The following POSTN variants were observed in gnomAD, a reference collection of about 807,000 sequenced individuals.
POSTN encodes the protein periostin, also known as osteoblast specific factor 2 (fasciclin I-like).
A neutral mutation model predicts 104.5 loss-of-function variants in POSTN; 71 were observed. The observed-to-expected ratio is 0.68, with a 90% confidence interval of 0.56 to 0.83. POSTN has a LOEUF of 0.83. POSTN is among the 40% of genes least tolerant of loss of function. The pLI is 0.00. For missense variants in POSTN, 949 were observed against 1,006.8 expected (o/e 0.94, Z 0.78); for synonymous variants, 355 against 340.7 (o/e 1.04, Z -0.46).
intron 2 of POSTN, among the ~76,000 whole-genome samples, chr13:37,594,493 G>A (rs1396250693): frequency 1.4e-5 from 2 of 143,976 alleles, no homozygotes; most frequent in Non-Finnish European, 3.0e-5. Context: ...AAAACTCAAT[G>A]TTCCCATATG....
In POSTN at chr13:37,569,398, GT is replaced by G. The variant is rs2138171450; in HGVS notation, c.2348-16del. On this transcript the variant is annotated splice_polypyrimidine_tract_variant and intron_variant, in intron 20 of 22. Coordinates refer to ENST00000379747, the MANE Select transcript of POSTN (RefSeq NM_006475.3). ...CTTGGTGACCTCTGAGAGGATACAT[GT>G]TTATAGCAGAAATTGGTTTATATAA... is the stretch of plus-strand genomic sequence containing the variant. 1.3e-6 allele frequency: 2 copies of G among 1,584,144 alleles called. No individual in the cohort carries two copies. The highest frequency in any genetic ancestry group is 1.7e-6 in the Non-Finnish European group (2 of 1,154,010).
chr13:37,597,689 A>AG (rs1334611755), intron 1 of POSTN, among the ~76,000 whole-genome samples: 6 of 152,280 alleles, frequency 3.9e-5, no homozygotes, highest in African/African-American at 1.4e-4. Context: ...GAACAATGAG[A>AG]GGTCAGAGAG....
chr13:37,580,395 TAGC>T (rs1407806678), intron 11 of POSTN, among the ~76,000 whole-genome samples, 163 bp downstream of exon 11: 1 of 152,242 alleles, frequency 6.6e-6, no homozygotes, highest in African/African-American at 2.4e-5. Flanking sequence ...TACCAGAAAG[TAGC>T]AGCGAAAACA....
chr13:37,565,433 A>G (rs906065111), intron 21 of POSTN: 3 of 151,926 alleles, frequency 2.0e-5, no homozygotes, highest in African/African-American at 7.2e-5. Flanking sequence ...GACTTCTTTT[A>G]TATGTATCAT....
At chr13:37,578,237 G>C (rs1950472100) in intron 15 of POSTN, among the ~76,000 whole-genome samples, 2 of 151,854 alleles carry the variant, frequency 1.3e-5, no homozygotes, top group Admixed American at 6.6e-5. Flanking sequence ...TTCTAAATTG[G>C]ACTGTAAACT....
intron 17 of POSTN, among the ~76,000 whole-genome samples, chr13:37,574,089 T>TG (rs1950332950): frequency 6.6e-6 from 1 of 151,674 alleles, no homozygotes; most frequent in South Asian, 2.1e-4. Flanking sequence ...ATCTCATGCG[T>TG]GGTTGTAATT....
In POSTN at chr13:37,571,460, T is replaced by TG. The variant is rs1950261546; in HGVS notation, c.2090-3dup. 6.3e-7 allele frequency: 1 copy of TG among 1,586,856 alleles called. No homozygotes were observed. Among genetic ancestry groups the TG allele is most frequent in the African/African-American group, 1.3e-5 (1 of 74,214 alleles). The stretch of plus-strand genomic sequence containing the variant: ...TTTTGACTTTTGTTAGTGTGGGTCC[T>TG]GGGACATTATTTTAGGAGACAAATT... On this transcript the variant is annotated splice_polypyrimidine_tract_variant and splice_region_variant and intron_variant, in intron 17 of 22. Coordinates refer to ENST00000379747, the MANE Select transcript of POSTN (RefSeq NM_006475.3).
intron 4 of POSTN, among the ~76,000 whole-genome samples, chr13:37,588,965 A>G (rs1044310700): frequency 1.3e-5 from 2 of 152,174 alleles, no homozygotes; most frequent in African/African-American, 2.4e-5. Context: ...ACATGAGATG[A>G]GGCTAACAGC....
rs369594327 is a variant in POSTN at position 37,582,328 on chromosome 13, C to T, written c.1392+38G>A. On this transcript the variant is annotated intron_variant, in intron 10 of 22. Transcript: ENST00000379747. ...ATTGAAACAGCATTATTTGACATGTCATTTGACAGACTTTTTATTTTGTTG... is the reference window on the plus strand; with the variant it reads ...ATTGAAACAGCATTATTTGACATGTTATTTGACAGACTTTTTATTTTGTTG... 1.9e-6 allele frequency: 3 copies of T among 1,572,452 alleles called. No individual in the cohort carries two copies. The African/African-American group carries it at 4.1e-5, about 22-fold the overall frequency.
chr13:37,581,296 T>G (rs1593339962), intron 10 of POSTN, among the ~76,000 whole-genome samples: 1 of 152,236 alleles, frequency 6.6e-6, no homozygotes, highest in Admixed American at 6.5e-5. Flanking sequence ...GATTCAGTTC[T>G]AGGTAATGCC....
At chr13:37,597,717 A>G (rs1951124648) in intron 1 of POSTN, among the ~76,000 whole-genome samples, 1 of 152,172 alleles carries the variant, frequency 6.6e-6, no homozygotes, top group Non-Finnish European at 1.5e-5. Context: ...GACAAGGTTT[A>G]TTATGTACAC....
At chr13:37,598,124 A>G (rs1951137221) in intron 1 of POSTN, among the ~76,000 whole-genome samples, 1 of 152,200 alleles carries the variant, frequency 6.6e-6, no homozygotes, top group Admixed American at 6.6e-5. Context: ...AGTAACTTAA[A>G]TGCTTCAAAG....
chr13:37,587,459 C>A (rs1423723368), intron 5 of POSTN, among the ~76,000 whole-genome samples: 1 of 152,178 alleles, frequency 6.6e-6, no homozygotes, highest in Non-Finnish European at 1.5e-5. Flanking sequence ...GATCCAAACA[C>A]ACAAGTACTT....
intron 21 of POSTN, chr13:37,565,646 C>T (rs979624544): frequency 1.3e-5 from 2 of 151,906 alleles, no homozygotes; most frequent in African/African-American, 2.4e-5. Flanking sequence ...ACATTTCTTT[C>T]CCCCCAGAAT....
At chr13:37,571,567 G>A in intron 17 of POSTN, 109 bp from the exon 18 acceptor site, 1 of 751,006 alleles carries the variant, frequency 1.3e-6, no homozygotes, top group Non-Finnish European at 2.2e-6. Context: ...AAATGTCAAA[G>A]TGGTTTCAGG....
intron 12 of POSTN, 53 bp downstream of exon 12, chr13:37,579,805 AAAG>A (rs2138265119): frequency 1.9e-6 from 3 of 1,567,760 alleles, no homozygotes; most frequent in Non-Finnish European, 2.6e-6. Flanking sequence ...AAAGCTTGAG[AAAG>A]AAGTGAGATC....
rs957865993 is a variant in POSTN at position 37,571,390 on chromosome 13, T to C, written c.2158A>G (p.Ile720Val). Residue 720 changes from isoleucine to valine, a missense_variant, in exon 18 of 23, where the codon ATA (isoleucine) becomes GTA (valine). Ile to Val is a conservative substitution (Grantham distance 29). Transcript: ENST00000379747. ...GCACCTCCATGGATCACTTCAGTTA[T>C]TGTTTCACCTTCTTTAATCAGTCTG... ...EFRLIKEGET[I>V]TEVIHGEPII... is the part of the protein sequence containing the mutation. The C allele has an allele frequency of 6.2e-7, 1 of 1,608,646 alleles. No individual in the cohort carries two copies. Among genetic ancestry groups the C allele is most frequent in the Non-Finnish European group, 8.5e-7 (1 of 1,175,640 alleles).
chr13:37,563,109 T>C lies in POSTN; in HGVS notation c.*224A>G, dbSNP rs1440528354. 1 of 344,558 alleles carries C rather than the reference T, an allele frequency of 2.9e-6. No individual in the cohort carries two copies. The highest frequency in any genetic ancestry group is 4.5e-5 in the Admixed American group (1 of 22,344). 21.3% of individuals were successfully genotyped at this position (344,558 alleles called of 1,614,324 possible). ...TGTCAAGATGAAAAAGGGTGTAAGG[T>C]GTTATATTTTCTTCAATTCCTTTAC... On this transcript the variant is annotated 3_prime_UTR_variant, in exon 23 of 23. Transcript: ENST00000379747.
At chr13:37,594,512 G>C (rs963209002) in intron 2 of POSTN, among the ~76,000 whole-genome samples, 4 of 78,664 alleles carry the variant, frequency 5.1e-5, no homozygotes, top group Non-Finnish European at 1.2e-4. Context: ...TGGTCAGTAG[G>C]GCAAAACAAG....
Sources: gnomAD v4.1 joint callset for allele counts (sites outside exome capture counted in the v4.1 genomes callset) on GRCh38, gnomAD v4.1.1 for gene constraint, MANE v1.5 for transcripts, NCBI Gene and HGNC (gene_info 2026-07-23, HGNC 2026-07-21) for gene names.